Variants in TFEC observed in about 807,000 individuals in gnomAD.
The protein encoded by TFEC is class E basic helix-loop-helix protein 34.
A neutral mutation model predicts 41.6 loss-of-function variants in TFEC; 31 were observed. The observed-to-expected ratio is 0.74, with a 90% CI of 0.56 to 1.01. TFEC has a LOEUF of 1.01. Among genes scored for constraint, TFEC ranks in the 50% least tolerant of loss-of-function variants. TFEC has a pLI of 0.00. For synonymous variants in TFEC, 143 were observed against 140.6 expected (o/e 1.02, Z -0.12); for missense variants, 402 against 404.1 (o/e 0.99, Z 0.04).
chr7:116,058,323 TAG>T (rs1174006102), intron 3 of TFEC, among the ~76,000 whole-genome samples: 3 of 150,600 alleles, frequency 2.0e-5, no homozygotes, highest in Non-Finnish European at 4.5e-5. Context: ...TCAATTTATT[TAG>T]AGAGCATACA....
chr7:116,055,734 A>C (rs898081479), intron 3 of TFEC, among the ~76,000 whole-genome samples: 1 of 152,190 alleles, frequency 6.6e-6, no homozygotes, highest in East Asian at 1.9e-4. Context: ...AATAGGTATA[A>C]TAATTTTTTT....
intron 3 of TFEC, among the ~76,000 whole-genome samples, chr7:116,087,779 T>G (rs945211919): frequency 1.3e-5 from 2 of 152,036 alleles, no homozygotes; most frequent in Admixed American, 6.6e-5. Context: ...ATTTCCAACT[T>G]GTAATTAAAT....
chr7:115,951,173 G>C (rs899344007), intron 5 of TFEC, among the ~76,000 whole-genome samples: 3 of 151,958 alleles, frequency 2.0e-5, no homozygotes, highest in Non-Finnish European at 2.9e-5. Flanking sequence ...AAAACATTTT[G>C]TCACAAAACA....
upstream of TFEC, among the ~76,000 whole-genome samples, chr7:116,034,046 T>A (rs552648516): frequency 1.3e-5 from 2 of 152,280 alleles, no homozygotes; most frequent in Non-Finnish European, 2.9e-5. Flanking sequence ...TTACTTTCCC[T>A]ATCAGCAGTG....
chr7:116,044,650 A>G (rs1423768163), intron 3 of TFEC, among the ~76,000 whole-genome samples: 1 of 152,206 alleles, frequency 6.6e-6, no homozygotes, highest in East Asian at 1.9e-4. Flanking sequence ...TTAGGTAATA[A>G]AGTGAATCAC....
intron 3 of TFEC, among the ~76,000 whole-genome samples, chr7:116,088,073 T>G (rs1201908398): frequency 2.0e-5 from 3 of 152,142 alleles, no homozygotes; most frequent in Non-Finnish European, 1.5e-5. Flanking sequence ...GTCATGATTC[T>G]CATGATCTCT....
At chr7:116,130,986 GTA>G (rs1562980853) in intron 1 of TFEC, among the ~76,000 whole-genome samples, 1 of 152,078 alleles carries the variant, frequency 6.6e-6, no homozygotes, top group Non-Finnish European at 1.5e-5. Context: ...CTATAAAGTA[GTA>G]TACACACAAA....
chr7:116,158,284 T>C (rs900120167), intron 1 of TFEC, among the ~76,000 whole-genome samples: 1 of 152,112 alleles, frequency 6.6e-6, no homozygotes, highest in African/African-American at 2.4e-5. Flanking sequence ...TTAATGACTA[T>C]TTCTCTTTTT....
intron 1 of TFEC, among the ~76,000 whole-genome samples, 157 bp downstream of exon 1, chr7:116,030,476 A>G (rs1795751866): frequency 6.6e-6 from 1 of 152,218 alleles, no homozygotes; most frequent in Non-Finnish European, 1.5e-5. Flanking sequence ...GCAAATCACA[A>G]CTTGACTACT....
chr7:116,089,739 T>C (rs1797281840), intron 3 of TFEC, among the ~76,000 whole-genome samples: 1 of 152,118 alleles, frequency 6.6e-6, no homozygotes, highest in Non-Finnish European at 1.5e-5. Context: ...AAAGTATCTC[T>C]GGAGAAATAC....
intron 3 of TFEC, among the ~76,000 whole-genome samples, chr7:116,087,936 G>A (rs1160959202): frequency 6.6e-6 from 1 of 152,046 alleles, no homozygotes; most frequent in Non-Finnish European, 1.5e-5. Flanking sequence ...CTGGAATAAT[G>A]TGAAATAGTA....
At chr7:116,142,907 A>G (rs1798569746) in intron 1 of TFEC, among the ~76,000 whole-genome samples, 1 of 152,178 alleles carries the variant, frequency 6.6e-6, no homozygotes, top group African/African-American at 2.4e-5. Flanking sequence ...AATGCCTGGT[A>G]TAAATGTAGC....
At chr7:115,950,987 T>C (rs1791908378) in intron 5 of TFEC, 38 bp from the exon 6 acceptor site, 5 of 1,336,082 alleles carry the variant, frequency 3.7e-6, no homozygotes, top group East Asian at 4.9e-5. Flanking sequence ...TTCTCATTAA[T>C]GCACAGTTCA....
intron 7 of TFEC, 71 bp from the exon 8 acceptor site, chr7:115,941,002 C>A: frequency 1.5e-6 from 2 of 1,377,094 alleles, no homozygotes; most frequent in South Asian, 3.0e-5. Context: ...ATAAGCCAGA[C>A]ATAGAATCAA....
At chr7:115,958,634 A>T (rs1452375974) in intron 3 of TFEC, among the ~76,000 whole-genome samples, 3 of 151,882 alleles carry the variant, frequency 2.0e-5, no homozygotes, top group Non-Finnish European at 4.4e-5. Context: ...CCTTGCCTCC[A>T]TATTACCTAG....
intron 3 of TFEC, among the ~76,000 whole-genome samples, chr7:116,044,293 T>C (rs1796110051): frequency 6.6e-6 from 1 of 152,214 alleles, no homozygotes; most frequent in Non-Finnish European, 1.5e-5. Flanking sequence ...AATAATGTGT[T>C]ACCCCTTTTC....
chr7:116,148,273 G>C (rs1039839908), intron 1 of TFEC, among the ~76,000 whole-genome samples: 5 of 152,170 alleles, frequency 3.3e-5, no homozygotes, highest in Admixed American at 6.6e-5. Context: ...AAAGAGGAGC[G>C]AGTGAAGTGT....
At chr7:116,049,286 A>T (rs758596573) in intron 3 of TFEC, among the ~76,000 whole-genome samples, 1 of 152,206 alleles carries the variant, frequency 6.6e-6, no homozygotes, top group Non-Finnish European at 1.5e-5. Context: ...ATGGAGGAAG[A>T]TCTACCAAGC....
intron 3 of TFEC, among the ~76,000 whole-genome samples, chr7:115,970,292 A>G (rs1793075053): frequency 6.6e-6 from 1 of 151,982 alleles, no homozygotes; most frequent in South Asian, 2.1e-4. Context: ...TCAGGTGACA[A>G]TGGAGAATTT....
Sources: allele counts gnomAD v4.1 joint callset (sites outside exome capture counted in the v4.1 genomes callset), GRCh38; gene constraint gnomAD v4.1.1; transcripts MANE v1.5; gene names NCBI Gene and HGNC (gene_info 2026-07-23, HGNC 2026-07-21).